Variants in TANK observed in about 807,000 individuals in gnomAD.
The protein encoded by TANK is TRAF family member-associated NF-kappa-B activator.
In TANK, 15 loss-of-function variants were observed where a neutral mutation model predicts 43.6. The observed-to-expected ratio is 0.34, with a 90% CI of 0.23 to 0.53. The LOEUF is 0.53. TANK is among the 20% of genes least tolerant of loss of function. The pLI, the probability that TANK is intolerant of heterozygous loss-of-function variation, is 0.94. For synonymous variants in TANK, 162 were observed against 178.2 expected (o/e 0.91, Z 0.73); for missense variants, 417 against 498.6 (o/e 0.84, Z 1.56).
intron 2 of TANK, among the ~76,000 whole-genome samples, chr2:161,194,900 G>T (rs1348037884): frequency 6.6e-6 from 1 of 151,906 alleles, no homozygotes; most frequent in African/African-American, 2.4e-5. Flanking sequence ...TGTTGATGGG[G>T]TAAAGCAGTT....
intron 2 of TANK, among the ~76,000 whole-genome samples, chr2:161,195,946 G>A (rs540807664): frequency 1.2e-4 from 19 of 152,178 alleles, no homozygotes; most frequent in Middle Eastern, 3.4e-3. Flanking sequence ...TTAGCCAGGC[G>A]TGATGGCGGG....
At chr2:161,223,451 CCTTT>C (rs1301641733) in intron 4 of TANK, 1 of 152,082 alleles carries the variant, frequency 6.6e-6, no homozygotes, top group Non-Finnish European at 1.5e-5. Context: ...TTTCTTTCTT[CCTTT>C]AATACAGCTG....
At chr2:161,236,226 AAAAAG>A (rs1559016126) in exon 8 of TANK, 1 of 151,498 alleles carries the variant, frequency 6.6e-6, no homozygotes. Flanking sequence ...AAAAAAAAAA[AAAAAG>A]GGAAGGAAGG....
intron 4 of TANK, among the ~76,000 whole-genome samples, chr2:161,221,985 A>G (rs1329528610): frequency 6.6e-6 from 1 of 152,148 alleles, no homozygotes; most frequent in Non-Finnish European, 1.5e-5. Flanking sequence ...TGATAAATTC[A>G]CCCACACTAG....
At chr2:161,207,515 G>T in intron 4 of TANK, 1 of 984,570 alleles carries the variant, frequency 1.0e-6, no homozygotes, top group Non-Finnish European at 1.2e-6. Context: ...AGCACTAAAC[G>T]TATAAGGGAT....
chr2:161,211,465 G>A (rs1402656783), intron 4 of TANK, among the ~76,000 whole-genome samples: 1 of 152,092 alleles, frequency 6.6e-6, no homozygotes, highest in Non-Finnish European at 1.5e-5. Context: ...TATATTCATT[G>A]TAAAAGCTTT....
At position 161,137,164 on chromosome 2, in the gene TANK, T is replaced by C. The variant is rs75015507; in HGVS notation, c.-50+101T>C. 3.9e-4 allele frequency: 387 copies of C among 985,438 alleles called. 4 individuals are homozygous for C. In the East Asian group the frequency reaches 0.029, roughly 74 times the overall value. The allele number at this position is 985,438 out of a possible 1,614,324, so 61.0% of individuals were successfully genotyped here. On this transcript the variant is annotated intron_variant, in intron 1 of 7. Transcript: ENST00000259075. ...AGATGTGTTACCCTCTTACTCTTGC[T>C]ATGTGAGTAATTTATGACATGATTC...
chr2:161,169,056 C>T (rs915409103), intron 1 of TANK, among the ~76,000 whole-genome samples: 10 of 152,242 alleles, frequency 6.6e-5, no homozygotes, highest in African/African-American at 2.2e-4. Flanking sequence ...ACAAGATTTG[C>T]GTCACCACGT....
chr2:161,202,725 T>A, intron 2 of TANK: 1 of 269,008 alleles, frequency 3.7e-6, no homozygotes. Flanking sequence ...AGTTCTCTGC[T>A]ATTGTTTGGT....
At chr2:161,226,535 A>G (rs1359820864) in intron 6 of TANK, among the ~76,000 whole-genome samples, 1 of 152,166 alleles carries the variant, frequency 6.6e-6, no homozygotes, top group Non-Finnish European at 1.5e-5. Flanking sequence ...TAGAAGAACT[A>G]TTTTGAATAT....
At chr2:161,182,021 A>G (rs925985205) in intron 2 of TANK, among the ~76,000 whole-genome samples, 3 of 152,180 alleles carry the variant, frequency 2.0e-5, no homozygotes, top group African/African-American at 7.2e-5. Context: ...ACACAACAAC[A>G]ATAATCAACA....
intron 2 of TANK, among the ~76,000 whole-genome samples, chr2:161,182,741 A>G (rs1685486205): frequency 6.6e-6 from 1 of 152,194 alleles, no homozygotes; most frequent in Admixed American, 6.5e-5. Context: ...CAACCAGTTC[A>G]AAATGTGATT....
At chr2:161,226,252 C>CT (rs1687610024) in intron 6 of TANK, among the ~76,000 whole-genome samples, 1 of 152,160 alleles carries the variant, frequency 6.6e-6, no homozygotes, top group Non-Finnish European at 1.5e-5. Flanking sequence ...AGCTAGAACA[C>CT]TGAGTATTTA....
intron 4 of TANK, among the ~76,000 whole-genome samples, chr2:161,209,126 A>T (rs1413064862): frequency 6.6e-6 from 1 of 152,230 alleles, no homozygotes; most frequent in East Asian, 1.9e-4. Flanking sequence ...CTAAAGGGAA[A>T]AAATATCATA....
intron 1 of TANK, among the ~76,000 whole-genome samples, chr2:161,178,752 T>A (rs1467707286): frequency 2.6e-5 from 4 of 152,180 alleles, no homozygotes; most frequent in Non-Finnish European, 4.4e-5. Flanking sequence ...ACTGAAATTT[T>A]AAAGAATTTT....
At chr2:161,144,491 C>T (rs888479585) in intron 1 of TANK, among the ~76,000 whole-genome samples, 8 of 152,150 alleles carry the variant, frequency 5.3e-5, no homozygotes, top group African/African-American at 1.9e-4. Flanking sequence ...CCCAGAGATT[C>T]TGGTACATCA....
rs1687907749 is a variant in TANK at position 161,231,498 on chromosome 2, G to A, written c.1048G>A (p.Ala350Thr). The change falls in exon 7 of 8, where the codon GCA (alanine) becomes ACA (threonine). Residue 350 changes from alanine (A) to threonine (T), a missense_variant. Ala to Thr is a moderately conservative substitution (Grantham distance 58, BLOSUM62 0). Transcript: ENST00000392749. ...NSFPLLDPSD[A>T]PFPSLDSPGK... ...CTTCCCACTTCTGGACCCATCTGAT[G>A]CACCTTTTCCCTCACTCGATTCCCC... 1 of 1,613,414 alleles carries A rather than the reference G, an allele frequency of 6.2e-7. No individual in the cohort carries two copies. Among genetic ancestry groups the A allele is most frequent in the Admixed American group, 1.7e-5 (1 of 59,992 alleles).
At chr2:161,214,798 G>T (rs1409394523) in intron 4 of TANK, among the ~76,000 whole-genome samples, 2 of 152,036 alleles carry the variant, frequency 1.3e-5, no homozygotes, top group African/African-American at 4.8e-5. Flanking sequence ...GTGAATCAGA[G>T]AAAAAGGACT....
Position 161,231,100 on chromosome 2 carries a change from T to C in TANK, c.650T>C (p.Leu217Pro). 1 of 1,614,144 alleles carries C rather than the reference T, an allele frequency of 6.2e-7. No individual in the cohort carries two copies. Residue 217 changes from leucine (L) to proline (P), a missense_variant, in exon 7 of 8, where the codon CTG becomes CCG. Transcript: ENST00000392749. ...ATCACATCTGTCACACCAAGAGGAC[T>C]GTGCAGAGATGAGGAAGACACCTCT... ...PSITSVTPRGLCRDEEDTSFE... is the reference protein window; with the variant it reads ...PSITSVTPRGPCRDEEDTSFE...
Sources: allele counts gnomAD v4.1 joint callset (sites outside exome capture counted in the v4.1 genomes callset), GRCh38; gene constraint gnomAD v4.1.1; transcripts MANE v1.5; gene names NCBI Gene and HGNC (gene_info 2026-07-23, HGNC 2026-07-21).